The following MYOM3 variants were observed in gnomAD, a reference collection of about 807,000 sequenced individuals.
MYOM3 encodes myomesin 3.
A neutral mutation model predicts 191.7 loss-of-function variants in MYOM3; 155 were observed. The ratio of observed to expected loss-of-function variants is 0.81; its 90% CI spans 0.71 to 0.92. MYOM3 has a LOEUF of 0.92. Ranked by LOEUF, MYOM3 falls within the 40% of genes least tolerant of loss-of-function variation. MYOM3 has a pLI of 0.00. For synonymous variants in MYOM3, 757 were observed against 762.9 expected, an observed-to-expected ratio of 0.99 and a Z score of 0.13; for missense variants, 1,889 against 1,890.6, an observed-to-expected ratio of 1.00 and a Z score of 0.02.
chr1:24,084,723 G>A, intron 15 of MYOM3, 84 bp from the exon 16 acceptor site: 1 of 1,281,180 alleles, frequency 7.8e-7, no homozygotes, highest in Non-Finnish European at 1.1e-6. Flanking sequence ...CATGGGGAGA[G>A]GCCAGAAGGA....
chr1:24,073,680 C>T lies in MYOM3; in HGVS notation c.2968+480G>A, dbSNP rs529938490. Among the ~76,000 whole-genome samples the T allele has an allele frequency of 2.5e-4, 38 of 151,944 alleles. 1 individual carries two copies. The East Asian group carries it at 5.2e-3, about 21-fold the overall frequency. ...GAGATTGAGACCATCCTGGCTAATA[C>T]GGTGAAACCCCATCTCTACTAAAAA... On this transcript the variant is annotated intron_variant, in intron 23 of 36. Coordinates refer to ENST00000374434, the MANE Select transcript of MYOM3 (RefSeq NM_152372.4).
At chr1:24,102,972 G>A (rs1456595126) in intron 5 of MYOM3, among the ~76,000 whole-genome samples, 2 of 152,230 alleles carry the variant, frequency 1.3e-5, no homozygotes, top group Non-Finnish European at 2.9e-5. Context: ...GGCCCTGCCT[G>A]ATGTGATTGA....
Position 24,075,387 on chromosome 1 carries a change from A to T in MYOM3, c.2790T>A (p.Phe930Leu), listed in dbSNP as rs1486974578. ...GGCCCTTGTAGTCTTTGGACCACTG[A>T]AACTCTGAGGAGTCGGGGGCTTCAG... The part of the protein sequence containing the change: ...EAPEAPDSSE[F>L]QWSKDYKGPL... The change falls in exon 22 of 37, where the codon TTT (phenylalanine) becomes TTA (leucine). Residue 930 changes from phenylalanine (F) to leucine (L), a missense_variant. Phe to Leu is a conservative substitution (Grantham distance 22). Coordinates refer to ENST00000374434, the MANE Select transcript of MYOM3 (RefSeq NM_152372.4). 1.2e-6 allele frequency: 2 copies of T among 1,612,732 alleles called. No individual in the cohort carries two copies. Among genetic ancestry groups the T allele is most frequent in the Non-Finnish European group, 8.5e-7 (1 of 1,179,688 alleles).
chr1:24,101,857 G>A (rs1229065983), intron 5 of MYOM3, among the ~76,000 whole-genome samples: 2 of 152,210 alleles, frequency 1.3e-5, no homozygotes, highest in Admixed American at 6.5e-5. Flanking sequence ...CTTGGGTCTT[G>A]TTCCCCGTGT....
rs1266427364 is a variant in MYOM3, at chr1:24,089,267, C to T, written c.1614+271G>A. Among the ~76,000 whole-genome samples the T allele has an allele frequency of 2.0e-5, 3 of 152,176 alleles. No homozygotes were observed. In the East Asian group the frequency reaches 5.8e-4, roughly 29 times the overall value. On this transcript the variant is annotated intron_variant, in intron 14 of 36. Transcript: ENST00000374434. ...GGGAGGTACCCAGGAAGTGGTGGAT[C>T]GTATTGTCATTGTTGTCTGTGTCTT...
intron 15 of MYOM3, among the ~76,000 whole-genome samples, chr1:24,085,849 G>C (rs565941300): frequency 1.3e-5 from 2 of 152,084 alleles, no homozygotes; most frequent in Non-Finnish European, 2.9e-5. Context: ...GTGTGTGTGC[G>C]CGTGTGTATT....
chr1:24,082,248 G>A (rs2148551470), intron 17 of MYOM3, 60 bp from the exon 18 acceptor site: 3 of 1,433,820 alleles, frequency 2.1e-6, no homozygotes, highest in Non-Finnish European at 2.8e-6. Context: ...ATTGGACAGT[G>A]GGGCCTGAGG....
rs780302108 is a variant in MYOM3 at position 24,090,798 on chromosome 1, T to G, written c.1431A>C (p.Thr477=). ...GTCGCTTAGGACCTCTGTACCCACC[T>G]GTCTTCCTCCGGGCTGCATCATGGT... ...MGDHDAARRK[T]EIPFDLGNKI... Residue 477 remains threonine (T), a splice_region_variant and synonymous_variant, in exon 12 of 37, where the codon ACA becomes ACC. Transcript: ENST00000374434. The G allele has an allele frequency of 1.2e-6, 2 of 1,614,080 alleles. No homozygotes were observed. Among genetic ancestry groups the G allele is most frequent in the Non-Finnish European group, 1.7e-6 (2 of 1,179,968 alleles).
intron 29 of MYOM3, among the ~76,000 whole-genome samples, chr1:24,065,215 G>A (rs1441920062): frequency 2.0e-5 from 3 of 152,226 alleles, no homozygotes; most frequent in Non-Finnish European, 2.9e-5. Context: ...CAGGATTTGG[G>A]AGAAGACCTT....
rs1395801219 is a variant in MYOM3 at position 24,089,529 on chromosome 1, G to C, written c.1614+9C>G. On this transcript the variant is annotated intron_variant, in intron 14 of 36. Transcript: ENST00000374434. ...GCTGGCCTGGGGCTGGGGCCTCGGG[G>C]TTCCCTACCTTCTCCAGGGAGTACG... The C allele has an allele frequency of 6.3e-7, 1 of 1,594,392 alleles. No homozygotes were observed. Among genetic ancestry groups the C allele is most frequent in the Non-Finnish European group, 8.5e-7 (1 of 1,170,418 alleles).
At chr1:24,058,453 T>C (rs1643329532) in intron 36 of MYOM3, among the ~76,000 whole-genome samples, 1 of 152,184 alleles carries the variant, frequency 6.6e-6, no homozygotes, top group Non-Finnish European at 1.5e-5. Flanking sequence ...TTTCCTCAGC[T>C]ATAAACTATG....
At chr1:24,102,318 T>TG (rs1643943547) in intron 5 of MYOM3, among the ~76,000 whole-genome samples, 1 of 152,180 alleles carries the variant, frequency 6.6e-6, no homozygotes, top group South Asian at 2.1e-4. Flanking sequence ...TCTCCAGGCC[T>TG]GGGGGCCAGG....
chr1:24,097,791 G>A, intron 7 of MYOM3, 132 bp downstream of exon 7: 3 of 731,376 alleles, frequency 4.1e-6, no homozygotes, highest in Non-Finnish European at 7.5e-6. Flanking sequence ...GGGCTGCCCT[G>A]GTCACCCAAT....
intron 25 of MYOM3, among the ~76,000 whole-genome samples, chr1:24,069,747 G>A (rs1643500409): frequency 6.6e-6 from 1 of 151,826 alleles, no homozygotes; most frequent in Admixed American, 6.6e-5. Flanking sequence ...GTAGCTGAGA[G>A]TACAGGTGCG....
intron 19 of MYOM3, 114 bp from the exon 20 acceptor site, chr1:24,080,308 T>G: frequency 1.2e-6 from 1 of 833,624 alleles, no homozygotes; most frequent in East Asian, 3.0e-5. Flanking sequence ...TCAGTCACAG[T>G]CAAGCCAGGA....
Position 24,061,978 on chromosome 1 carries a change from A to G in MYOM3, c.3902T>C (p.Val1301Ala), listed in dbSNP as rs752914780. ...YTLEIAAGKE[V>A]RQLSTDLSGQ... ...TGAGAGATCTGTTGAGAGCTGCCGG[A>G]CTTCCTTCCCTGCAGCTATTTCCAG... The change falls in exon 33 of 37, where the codon GTC becomes GCC. Residue 1301 changes from valine to alanine, a missense_variant. Physicochemically the swap from Val to Ala is moderately conservative, Grantham distance 64. Transcript: ENST00000374434. 1 of 1,614,148 alleles carries G rather than the reference A, an allele frequency of 6.2e-7. No homozygotes were observed. Among genetic ancestry groups the G allele is most frequent in the Non-Finnish European group, 8.5e-7 (1 of 1,180,010 alleles).
chr1:24,106,133 C>G, intron 4 of MYOM3, 56 bp from the exon 5 acceptor site: 1 of 1,525,080 alleles, frequency 6.6e-7, no homozygotes, highest in Non-Finnish European at 8.8e-7. Context: ...TCTCTGCCAT[C>G]TTTGCCATTA....
At position 24,068,246 on chromosome 1, in the gene MYOM3, A is replaced by C; in HGVS notation, c.3272T>G (p.Ile1091Ser). Residue 1091 changes from isoleucine (I) to serine (S), a missense_variant, in exon 26 of 37, where the codon ATT (isoleucine) becomes AGT (serine). Physicochemically the swap from Ile to Ser is moderately radical, Grantham distance 142. Transcript: ENST00000374434. The stretch of plus-strand genomic sequence containing the variant: ...ACCGTCATCCACCAGTGTCAAGGTA[A>C]TCTGGTTTTTGGCTTTTCCATCTTG... ...QLQDGKAKNQITLTLVDDDFD... is the reference protein window; with the variant it reads ...QLQDGKAKNQSTLTLVDDDFD... 6.2e-7 allele frequency: 1 copy of C among 1,614,096 alleles called. No homozygotes were observed. The highest frequency in any genetic ancestry group is 8.5e-7 in the Non-Finnish European group (1 of 1,179,992).
At chr1:24,075,530 C>T in intron 21 of MYOM3, 55 bp from the exon 22 acceptor site, 1 of 1,496,664 alleles carries the variant, frequency 6.7e-7, no homozygotes, top group South Asian at 1.4e-5. Flanking sequence ...TAAACCAGGT[C>T]ACACCCCTCC....
Sources: gnomAD v4.1 joint callset for allele counts (sites outside exome capture counted in the v4.1 genomes callset) on GRCh38, gnomAD v4.1.1 for gene constraint, MANE v1.5 for transcripts, NCBI Gene and HGNC (gene_info 2026-07-23, HGNC 2026-07-21) for gene names.